Variants in SPTLC3 observed in about 807,000 individuals in gnomAD.
SPTLC3 encodes serine palmitoyltransferase 3.
SPTLC3 carries 36 observed loss-of-function variants against 59.3 expected under a neutral mutation model. That is an observed-to-expected ratio of 0.61 (90% CI 0.47 to 0.80). SPTLC3 has a LOEUF of 0.80. Among genes scored for constraint, SPTLC3 ranks in the 30% least tolerant of loss-of-function variants. The pLI is 0.00. For synonymous variants in SPTLC3, 257 were observed against 240.8 expected, an observed-to-expected ratio of 1.07 and a Z score of -0.62; for missense variants, 625 against 685.1, an observed-to-expected ratio of 0.91 and a Z score of 0.98.
At position 13,041,782 on chromosome 20, in the gene SPTLC3, A is replaced by G. The variant is rs1311851597; in HGVS notation, c.118-7163A>G. On this transcript the variant is annotated intron_variant, in intron 1 of 11. Transcript: ENST00000399002. ...CTTTGTTGTGTTTGCTTATTTTTTT[A>G]GTGACTTAGATGAGCTATTTTCATA... Among the ~76,000 whole-genome samples, 3 of 108,558 alleles carry G rather than the reference A, an allele frequency of 2.8e-5. No individual in the cohort carries two copies. The Admixed American group carries it at 3.4e-4, about 12-fold the overall frequency. The allele number at this position is 108,558 out of a possible 152,430, so 71.2% of individuals were successfully genotyped here. A position where few individuals can be genotyped will look rare whatever the true frequency, so the allele number is the denominator to read the frequency against.
intron 1 of SPTLC3, among the ~76,000 whole-genome samples, chr20:13,044,995 CCACACACA>C (rs5840546): frequency 0.31 from 43,287 of 141,234 alleles, 6,296 homozygotes; most frequent in Middle Eastern, 0.38. Context: ...TGTGTCCCCA[CCACACACA>C]CACACACACA....
At chr20:13,025,718 C>A (rs577124256) in intron 1 of SPTLC3, among the ~76,000 whole-genome samples, 17 of 152,298 alleles carry the variant, frequency 1.1e-4, no homozygotes, top group Middle Eastern at 3.4e-3. Context: ...GGTTGACCTG[C>A]AGAAACCTTT....
At chr20:13,061,735 C>G (rs1987983235) in intron 2 of SPTLC3, among the ~76,000 whole-genome samples, 1 of 152,182 alleles carries the variant, frequency 6.6e-6, no homozygotes, top group African/African-American at 2.4e-5. Context: ...TGTTATCAGA[C>G]TACTTCTTAC....
chr20:13,155,829 AAATAAT>A (rs1005510598), intron 10 of SPTLC3, among the ~76,000 whole-genome samples: 3 of 152,126 alleles, frequency 2.0e-5, no homozygotes, highest in African/African-American at 4.8e-5. Context: ...CCGTCTAAAA[AAATAAT>A]AATAATAATA....
chr20:13,151,258 T>C (rs1298123694), intron 9 of SPTLC3, among the ~76,000 whole-genome samples: 1 of 152,216 alleles, frequency 6.6e-6, no homozygotes, highest in Non-Finnish European at 1.5e-5. Context: ...CTCTAAATTT[T>C]TCACATCCAC....
chr20:13,120,419 C>T (rs1355525638), intron 8 of SPTLC3, among the ~76,000 whole-genome samples: 1 of 152,172 alleles, frequency 6.6e-6, no homozygotes, highest in Non-Finnish European at 1.5e-5. Flanking sequence ...TGTATAATTT[C>T]AATTTCACTG....
intron 2 of SPTLC3, among the ~76,000 whole-genome samples, chr20:13,068,900 A>G (rs77666445): frequency 0.014 from 2,178 of 152,318 alleles, 23 homozygotes; most frequent in South Asian, 0.038. Context: ...GAATCCCTGT[A>G]TCTTGCCCTC....
chr20:13,027,218 C>T (rs1020662364), intron 1 of SPTLC3, among the ~76,000 whole-genome samples: 1 of 152,188 alleles, frequency 6.6e-6, no homozygotes, highest in Non-Finnish European at 1.5e-5. Flanking sequence ...AAAATTAAGA[C>T]AGTGATTTTT....
At chr20:13,144,783 A>G (rs2038469094) in intron 9 of SPTLC3, among the ~76,000 whole-genome samples, 1 of 152,140 alleles carries the variant, frequency 6.6e-6, no homozygotes, top group Non-Finnish European at 1.5e-5. Context: ...ATATATACAC[A>G]GATTTTTTTG....
chr20:13,064,200 T>A (rs923520243), intron 2 of SPTLC3, among the ~76,000 whole-genome samples: 4 of 151,942 alleles, frequency 2.6e-5, no homozygotes, highest in Non-Finnish European at 5.9e-5. Context: ...TGGCCAATTT[T>A]TTTTAACGAT....
chr20:13,115,322 C>A (rs1568609172), intron 7 of SPTLC3, among the ~76,000 whole-genome samples: 1 of 152,130 alleles, frequency 6.6e-6, no homozygotes, highest in African/African-American at 2.4e-5. Flanking sequence ...GTGTGCCCTG[C>A]ATTAACTCCA....
At chr20:13,162,937 C>G (rs77575143) in intron 11 of SPTLC3, among the ~76,000 whole-genome samples, 1 of 152,134 alleles carries the variant, frequency 6.6e-6, no homozygotes, top group Admixed American at 6.5e-5. Flanking sequence ...AAACCTAACT[C>G]TGAGCACGAG....
At chr20:13,070,736 T>C (rs1198008130) in intron 2 of SPTLC3, among the ~76,000 whole-genome samples, 1 of 151,904 alleles carries the variant, frequency 6.6e-6, no homozygotes, top group African/African-American at 2.4e-5. Context: ...CTGTAGGGAG[T>C]CATTAGGGGA....
At chr20:13,086,116 TAAA>T in intron 4 of SPTLC3, among the ~76,000 whole-genome samples, 1 of 152,182 alleles carries the variant, frequency 6.6e-6, no homozygotes, top group Non-Finnish European at 1.5e-5. Context: ...TCTTAGGAGT[TAAA>T]AAATGCCAAT....
intron 4 of SPTLC3, among the ~76,000 whole-genome samples, chr20:13,080,254 AATCCAG>A (rs1988792665): frequency 6.6e-6 from 1 of 152,092 alleles, no homozygotes; most frequent in Admixed American, 6.6e-5. Context: ...TCATGCCTGT[AATCCAG>A]ACACTTTGGG....
At chr20:13,128,871 A>ATTTTTT (rs35981991) in intron 9 of SPTLC3, among the ~76,000 whole-genome samples, 1 of 114,232 alleles carries the variant, frequency 8.8e-6, no homozygotes, top group African/African-American at 3.6e-5. Flanking sequence ...TGCCCAGCTA[A>ATTTTTT]TTTTTTTTTT....
intron 2 of SPTLC3, among the ~76,000 whole-genome samples, chr20:13,065,604 G>A (rs1988172045): frequency 6.6e-6 from 1 of 151,598 alleles, no homozygotes; most frequent in Admixed American, 6.6e-5. Context: ...AATTCCATAT[G>A]GTTAAACGTA....
At chr20:13,156,507 A>T (rs116845837) in intron 10 of SPTLC3, among the ~76,000 whole-genome samples, 13 of 152,318 alleles carry the variant, frequency 8.5e-5, no homozygotes, top group Non-Finnish European at 1.8e-4. Flanking sequence ...TGGACAAGTT[A>T]CTCAGCTTTC....
At chr20:13,135,461 A>G (rs1162756164) in intron 9 of SPTLC3, among the ~76,000 whole-genome samples, 1 of 152,156 alleles carries the variant, frequency 6.6e-6, no homozygotes, top group Non-Finnish European at 1.5e-5. Flanking sequence ...TTGAAAAAAG[A>G]TGATCTGCTT....
Sources: gnomAD v4.1 joint callset for allele counts (sites outside exome capture counted in the v4.1 genomes callset) on GRCh38, gnomAD v4.1.1 for gene constraint, MANE v1.5 for transcripts, NCBI Gene and HGNC (gene_info 2026-07-23, HGNC 2026-07-21) for gene names.